The following RIMS1 variants were observed in gnomAD, a reference collection of about 807,000 sequenced individuals.
RIMS1 encodes the protein regulating synaptic membrane exocytosis 1, also known as regulating synaptic membrane exocytosis protein 1.
A neutral mutation model predicts 214.1 loss-of-function variants in RIMS1; 83 were observed. The observed-to-expected ratio is 0.39, with a 90% CI of 0.32 to 0.47. RIMS1 has a LOEUF of 0.47. Ranked by LOEUF, RIMS1 falls within the 20% of genes least tolerant of loss-of-function variation. The pLI is 0.99. For missense variants in RIMS1, 2,050 were observed against 2,161.8 expected (o/e 0.95, Z 1.03); for synonymous variants, 793 against 786.8 (o/e 1.01, Z -0.13).
At chr6:71,893,643 G>C (rs750419794) in intron 1 of RIMS1, among the ~76,000 whole-genome samples, 2 of 152,124 alleles carry the variant, frequency 1.3e-5, no homozygotes, top group African/African-American at 2.4e-5. Flanking sequence ...AACTTTTTAA[G>C]ATTCTTTATT....
chr6:72,379,341 A>G (rs559198739), intron 29 of RIMS1, among the ~76,000 whole-genome samples: 1 of 152,344 alleles, frequency 6.6e-6, no homozygotes, highest in African/African-American at 2.4e-5. Flanking sequence ...TCTAGCTCCC[A>G]CCATCATGTC....
chr6:71,947,777 T>C (rs1292817575), intron 1 of RIMS1, among the ~76,000 whole-genome samples: 2 of 152,118 alleles, frequency 1.3e-5, no homozygotes, highest in Non-Finnish European at 1.5e-5. Flanking sequence ...ATATGAAATA[T>C]GTTACAAACC....
At chr6:72,202,656 A>G (rs2052203853) in intron 6 of RIMS1, among the ~76,000 whole-genome samples, 1 of 152,206 alleles carries the variant, frequency 6.6e-6, no homozygotes, top group South Asian at 2.1e-4. Context: ...ATGTTTGTGT[A>G]CGTACATGAT....
chr6:71,976,402 T>A (rs536532878), intron 2 of RIMS1, among the ~76,000 whole-genome samples: 26 of 152,252 alleles, frequency 1.7e-4, no homozygotes, highest in African/African-American at 5.5e-4. Context: ...AAGAATAAAA[T>A]TGGGTTTTCT....
At chr6:72,266,524 A>G (rs1479771003) in intron 22 of RIMS1, among the ~76,000 whole-genome samples, 6 of 152,166 alleles carry the variant, frequency 3.9e-5, no homozygotes, top group Non-Finnish European at 8.8e-5. Flanking sequence ...GTATATCTAC[A>G]TTCATTTTTA....
chr6:71,927,232 T>A (rs1306541642), intron 1 of RIMS1, among the ~76,000 whole-genome samples: 8 of 152,184 alleles, frequency 5.3e-5, no homozygotes. Flanking sequence ...CAACCTTCTA[T>A]TTTAGATTAA....
At chr6:72,288,855 T>G (rs1019365982) in intron 24 of RIMS1, among the ~76,000 whole-genome samples, 19 of 151,434 alleles carry the variant, frequency 1.3e-4, no homozygotes, top group African/African-American at 4.6e-4. Context: ...CAGGAACTCT[T>G]TTATTATTGA....
chr6:71,960,751 G>A (rs1474624114), intron 1 of RIMS1, among the ~76,000 whole-genome samples: 2 of 152,094 alleles, frequency 1.3e-5, no homozygotes, highest in African/African-American at 4.8e-5. Context: ...GGCTTCAGAT[G>A]TGTTTACCTA....
At chr6:72,125,833 G>C (rs1268188002) in intron 4 of RIMS1, among the ~76,000 whole-genome samples, 1 of 152,178 alleles carries the variant, frequency 6.6e-6, no homozygotes, top group Non-Finnish European at 1.5e-5. Context: ...TGTTTGCTAA[G>C]ACCGTTGGAA....
Position 72,313,646 on chromosome 6 carries a change from A to G in RIMS1, c.4104A>G (p.Gln1368=). Residue 1368 remains glutamine (Q), a synonymous_variant, in exon 28 of 34, where the codon CAA becomes CAG. Coordinates refer to ENST00000521978, the MANE Select transcript of RIMS1 (RefSeq NM_014989.7). ...GCAGCACAAGCTTTATGTCAGAGCA[A>G]TCTGAGCGCCCCAGGGGTAGAATCA... ...RLSSTSFMSE[Q]SERPRGRISS... 1 of 1,613,382 alleles carries G rather than the reference A, an allele frequency of 6.2e-7. No homozygotes were observed.
chr6:72,344,214 T>C (rs1309931451), intron 29 of RIMS1, among the ~76,000 whole-genome samples: 1 of 151,826 alleles, frequency 6.6e-6, no homozygotes, highest in African/African-American at 2.4e-5. Flanking sequence ...GGAAAATGGA[T>C]GACATTTGCC....
intron 2 of RIMS1, among the ~76,000 whole-genome samples, chr6:72,075,438 G>A (rs80008077): frequency 2.0e-5 from 3 of 152,130 alleles, no homozygotes; most frequent in African/African-American, 7.2e-5. Flanking sequence ...GGAAAAGGGG[G>A]AGATATCCTT....
chr6:71,935,326 CAAGAT>C (rs1351296391), intron 1 of RIMS1, among the ~76,000 whole-genome samples: 3 of 152,056 alleles, frequency 2.0e-5, no homozygotes, highest in Non-Finnish European at 1.5e-5. Context: ...GTAAGCAAGA[CAAGAT>C]AATTTATGTA....
intron 4 of RIMS1, among the ~76,000 whole-genome samples, chr6:72,153,456 A>T (rs1359351453): frequency 6.6e-6 from 1 of 152,134 alleles, no homozygotes; most frequent in Non-Finnish European, 1.5e-5. Context: ...AGTTTGTAAG[A>T]ACCACAATAA....
Position 72,251,063 on chromosome 6 carries a change from CAAG to C in RIMS1, c.2524_2526del (p.Glu842del), listed in dbSNP as rs2073073292. 12 of 1,586,088 alleles carry C rather than the reference CAAG, an allele frequency of 7.6e-6. No homozygotes were observed. Among genetic ancestry groups the C allele is most frequent in the Non-Finnish European group, 1.0e-5 (12 of 1,165,158 alleles). On this transcript the variant is annotated inframe_deletion, in exon 14 of 34. Transcript: ENST00000521978. ...AACTGTGTGGGACCAACCAAGAGTGCAAGAAGAAGAAAGTGAATTTCTTGGAGA... is the reference window on the plus strand; with the variant it reads ...AACTGTGTGGGACCAACCAAGAGTGCAAGAAGAAAGTGAATTTCTTGGAGA...
At chr6:72,105,794 A>G (rs144834895) in intron 4 of RIMS1, among the ~76,000 whole-genome samples, 68 of 152,276 alleles carry the variant, frequency 4.5e-4, no homozygotes, top group Middle Eastern at 3.4e-3. Flanking sequence ...CAGGATGACA[A>G]CTGTCTAGTA....
Position 72,196,580 on chromosome 6 carries a change from C to CTTTTTTTTTTTTTTTTTTTTTTTTTTT in RIMS1, c.1678+13454_1678+13455insTTTTTTTTTTTTTTTTTTTTTTTTTTT, listed in dbSNP as rs61651151. 1.4e-4 allele frequency among the ~76,000 whole-genome samples: 8 copies of CTTTTTTTTTTTTTTTTTTTTTTTTTTT among 57,210 alleles called. 3 individuals are homozygous for CTTTTTTTTTTTTTTTTTTTTTTTTTTT. The highest frequency in any genetic ancestry group is 3.9e-4 in the African/African-American group (5 of 12,672). The allele number at this position is 57,210 out of a possible 152,430, so 37.5% of individuals were successfully genotyped here. A position where few individuals can be genotyped will look rare whatever the true frequency, so the allele number is the denominator to read the frequency against. On this transcript the variant is annotated intron_variant, in intron 6 of 33. Transcript: ENST00000521978. ...AGTACTGTGCTGGCAGCCAGCTGCACTTTTTTTTTTTTTTTTTTTTTTTAC... is the reference window on the plus strand; with the variant it reads ...AGTACTGTGCTGGCAGCCAGCTGCACTTTTTTTTTTTTTTTTTTTTTTTTTTTTTTTTTTTTTTTTTTTTTTTTTTAC...
intron 1 of RIMS1, among the ~76,000 whole-genome samples, chr6:71,914,863 G>A (rs1357377140): frequency 6.6e-6 from 1 of 152,080 alleles, no homozygotes; most frequent in Admixed American, 6.6e-5. Flanking sequence ...CAAATTTAGG[G>A]CCTCTTTTGC....
At chr6:72,383,735 A>G (rs2098536860) in intron 29 of RIMS1, among the ~76,000 whole-genome samples, 1 of 152,094 alleles carries the variant, frequency 6.6e-6, no homozygotes, top group African/African-American at 2.4e-5. Context: ...GGTAACAGTA[A>G]GCTGTGATCA....
Sources: gnomAD v4.1 joint callset for allele counts (sites outside exome capture counted in the v4.1 genomes callset) on GRCh38, gnomAD v4.1.1 for gene constraint, MANE v1.5 for transcripts, NCBI Gene and HGNC (gene_info 2026-07-23, HGNC 2026-07-21) for gene names.